Variants in SEC24B observed in about 807,000 individuals in gnomAD.
The protein encoded by SEC24B is SEC24 homolog B, COPII component, also known as protein transport protein Sec24B.
Under a neutral mutation model 142.8 loss-of-function variants are expected in SEC24B, and 45 were observed. The observed-to-expected ratio is 0.32, with a 90% confidence interval of 0.25 to 0.40. SEC24B has a LOEUF of 0.40. SEC24B is among the 10% of genes least tolerant of loss of function. SEC24B has a pLI of 1.00. For synonymous variants in SEC24B, 574 were observed against 568.2 expected (o/e 1.01, Z -0.15); for missense variants, 1,409 against 1,526.8 (o/e 0.92, Z 1.29).
At chr4:109,488,584 A>G (rs1369470348) in intron 4 of SEC24B, 1 of 153,222 alleles carries the variant, frequency 6.5e-6, no homozygotes, top group Non-Finnish European at 1.5e-5. Flanking sequence ...TTTGTCAACA[A>G]GTTTTTGTGT....
intron 10 of SEC24B, among the ~76,000 whole-genome samples, chr4:109,514,349 T>C (rs1351833519): frequency 6.6e-6 from 1 of 152,242 alleles, no homozygotes; most frequent in East Asian, 1.9e-4. Context: ...AACGAATTAC[T>C]GGCCCTAAGG....
intron 1 of SEC24B, among the ~76,000 whole-genome samples, chr4:109,452,870 T>A (rs1430425746): frequency 6.6e-6 from 1 of 152,246 alleles, no homozygotes; most frequent in Non-Finnish European, 1.5e-5. Context: ...GACTGTGTCT[T>A]ATTTTTATTT....
chr4:109,459,286 G>C (rs1731020516), intron 1 of SEC24B, among the ~76,000 whole-genome samples: 1 of 152,176 alleles, frequency 6.6e-6, no homozygotes, highest in Non-Finnish European at 1.5e-5. Context: ...ATAGACATAT[G>C]CTGTAGACTT....
chr4:109,457,158 C>T (rs1730771327), intron 1 of SEC24B, among the ~76,000 whole-genome samples: 1 of 152,180 alleles, frequency 6.6e-6, no homozygotes, highest in Non-Finnish European at 1.5e-5. Context: ...GTTTTGTATA[C>T]TACACTTTGA....
intron 1 of SEC24B, among the ~76,000 whole-genome samples, chr4:109,438,677 A>T (rs1425089661): frequency 6.6e-6 from 1 of 152,222 alleles, no homozygotes; most frequent in African/African-American, 2.4e-5. Context: ...GAGAGGCAGA[A>T]AACCTAGTCT....
rs1213429057 is a variant in SEC24B, at chr4:109,433,842, C to G, written c.-28C>G. 6 of 1,279,854 alleles carry G rather than the reference C, an allele frequency of 4.7e-6. No individual in the cohort carries two copies. The South Asian group carries it at 1.1e-4, about 24-fold the overall frequency. 79.3% of individuals were successfully genotyped at this position (1,279,854 alleles called of 1,614,324 possible). On this transcript the variant is annotated 5_prime_UTR_variant, in exon 1 of 24. Coordinates refer to ENST00000265175, the MANE Select transcript of SEC24B (RefSeq NM_006323.5). ...CTTCCCTCCGCCCACCTCCCTGAAG[C>G]GGAGCCGCCGTCGCCACCAGCGCCG...
At chr4:109,500,561 A>T (rs1319816370) in intron 6 of SEC24B, among the ~76,000 whole-genome samples, 1 of 151,762 alleles carries the variant, frequency 6.6e-6, no homozygotes, top group African/African-American at 2.4e-5. Flanking sequence ...AAAAAAAAAA[A>T]AAGACAAAAC....
chr4:109,439,474 A>ATTTTTTTTTTTT (rs70949077), intron 1 of SEC24B, among the ~76,000 whole-genome samples: 3 of 43,994 alleles, frequency 6.8e-5, no homozygotes, highest in African/African-American at 9.5e-5. Context: ...TCCTAAGCTG[A>ATTTTTTTTTTTT]TTTTTTTTTT....
intron 10 of SEC24B, among the ~76,000 whole-genome samples, chr4:109,515,491 T>C (rs1018899462): frequency 1.3e-5 from 2 of 152,074 alleles, no homozygotes; most frequent in Non-Finnish European, 2.9e-5. Flanking sequence ...GAGACAGAGT[T>C]TCACTCTGTC....
chr4:109,459,142 A>C (rs1731005783), intron 1 of SEC24B, among the ~76,000 whole-genome samples: 1 of 152,246 alleles, frequency 6.6e-6, no homozygotes, highest in Non-Finnish European at 1.5e-5. Context: ...CTTTCTTGGA[A>C]TACAATATTT....
At chr4:109,528,677 G>A (rs1724542832) in intron 18 of SEC24B, among the ~76,000 whole-genome samples, 1 of 152,126 alleles carries the variant, frequency 6.6e-6, no homozygotes, top group African/African-American at 2.4e-5. Context: ...TTATATGTAA[G>A]TCTAAAAAAA....
At position 109,520,473 on chromosome 4, in the gene SEC24B, C is replaced by A; in HGVS notation, c.2234C>A (p.Ser745Tyr). Residue 745 changes from serine (S) to tyrosine (Y), a missense_variant, in exon 12 of 24, where the codon TCT becomes TAT. Around this residue, in one of 2 missense-constraint regions of SEC24B, gnomAD observed 700 missense variants for 853.3 expected, o/e 0.82. Coordinates refer to ENST00000265175, the MANE Select transcript of SEC24B (RefSeq NM_006323.5). ...GLSQPQMLIVSDIDDVFLPTP... is the reference protein window; with the variant it reads ...GLSQPQMLIVYDIDDVFLPTP... ...TCACAGCCTCAAATGTTGATTGTGT[C>A]TGATATAGATGGTAAGCAGTCAGTA... The A allele has an allele frequency of 6.3e-7, 1 of 1,586,196 alleles. No homozygotes were observed. Among genetic ancestry groups the A allele is most frequent in the Non-Finnish European group, 8.7e-7 (1 of 1,155,364 alleles).
chr4:109,467,496 A>G (rs1349737074), intron 2 of SEC24B, among the ~76,000 whole-genome samples: 1 of 152,172 alleles, frequency 6.6e-6, no homozygotes, highest in Non-Finnish European at 1.5e-5. Context: ...TAGTCAAGTA[A>G]CCTAGTATAG....
chr4:109,480,388 T>C (rs1733614704), intron 3 of SEC24B, among the ~76,000 whole-genome samples: 8 of 152,206 alleles, frequency 5.3e-5, no homozygotes, highest in Admixed American at 5.2e-4. Context: ...TGTTTCTGGC[T>C]TTCTTTTTTC....
intron 22 of SEC24B, among the ~76,000 whole-genome samples, chr4:109,534,021 T>G (rs1200633364): frequency 6.6e-6 from 1 of 152,056 alleles, no homozygotes; most frequent in Non-Finnish European, 1.5e-5. Flanking sequence ...TAAGATTCAT[T>G]GATGTTGTAG....
intron 15 of SEC24B, 82 bp downstream of exon 15, chr4:109,525,023 C>A: frequency 1.5e-6 from 2 of 1,301,842 alleles, no homozygotes; most frequent in Non-Finnish European, 2.1e-6. Flanking sequence ...AGTAAGCATT[C>A]TCTATATTTT....
rs75592733 is a variant in SEC24B at position 109,486,008 on chromosome 4, A to G, written c.1165+4227A>G. Among the ~76,000 whole-genome samples, 5 of 152,310 alleles carry G rather than the reference A, an allele frequency of 3.3e-5. No individual in the cohort carries two copies. The East Asian group carries it at 7.7e-4, about 23-fold the overall frequency. On this transcript the variant is annotated intron_variant, in intron 4 of 23. Transcript: ENST00000265175. ...GGCTGAAAGCTGAGGAAAAAAAAAC[A>G]ATTGGAAAATCTATCAGGAGGTATC...
Position 109,530,328 on chromosome 4 carries a change from G to A in SEC24B, c.3116G>A (p.Arg1039Lys), listed in dbSNP as rs770191071. ...RSVSSSLSDA[R>K]DALVNAVVDS... ...GTTTCATCAAGTCTGTCAGATGCAAGAGATGCCTTAGTGAATGCTGTAGTG... is the reference window on the plus strand; with the variant it reads ...GTTTCATCAAGTCTGTCAGATGCAAAAGATGCCTTAGTGAATGCTGTAGTG... The change falls in exon 19 of 24, where the codon AGA becomes AAA. Residue 1039 changes from arginine (R) to lysine (K), a missense_variant. Arg to Lys is a conservative substitution (Grantham distance 26). Transcript: ENST00000265175. 1.2e-6 allele frequency: 2 copies of A among 1,613,980 alleles called. No homozygotes were observed. Among genetic ancestry groups the A allele is most frequent in the Admixed American group, 1.7e-5 (1 of 59,996 alleles).
At chr4:109,521,944 G>T (rs1294138085) in intron 14 of SEC24B, among the ~76,000 whole-genome samples, 1 of 152,024 alleles carries the variant, frequency 6.6e-6, no homozygotes, top group Non-Finnish European at 1.5e-5. Context: ...TGTTGGTCAG[G>T]CTGGTCTCGA....
Sources: gnomAD v4.1 joint callset for allele counts (sites outside exome capture counted in the v4.1 genomes callset) on GRCh38, gnomAD v4.1.1 for gene constraint, gnomAD v4.1.1 regional missense constraint, MANE v1.5 for transcripts, NCBI Gene and HGNC (gene_info 2026-07-23, HGNC 2026-07-21) for gene names.